The following DPP10 variants were observed in gnomAD, a reference collection of about 807,000 sequenced individuals.
The protein encoded by DPP10 is dipeptidyl peptidase like 10.
Under a neutral mutation model 120.9 loss-of-function variants are expected in DPP10, and 33 were observed. That is an observed-to-expected ratio of 0.27 (90% CI 0.21 to 0.37). The LOEUF is 0.37. Ranked by LOEUF, DPP10 falls within the 10% of genes least tolerant of loss-of-function variation. The pLI is 1.00. For synonymous variants in DPP10, 337 were observed against 326.1 expected (o/e 1.03, Z -0.36); for missense variants, 816 against 942.8 (o/e 0.87, Z 1.76).
At chr2:115,069,288 T>G (rs1340251315) in intron 1 of DPP10, among the ~76,000 whole-genome samples, 3 of 152,134 alleles carry the variant, frequency 2.0e-5, no homozygotes, top group Non-Finnish European at 4.4e-5. Context: ...AAATCTGTTT[T>G]AAATGATACT....
chr2:115,296,423 C>T (rs2060887439), intron 1 of DPP10, among the ~76,000 whole-genome samples: 1 of 152,032 alleles, frequency 6.6e-6, no homozygotes, highest in Non-Finnish European at 1.5e-5. Flanking sequence ...TACCTGACTC[C>T]TGGGCAATTA....
chr2:115,335,422 A>G (rs2063064786), intron 2 of DPP10, among the ~76,000 whole-genome samples: 1 of 152,044 alleles, frequency 6.6e-6, no homozygotes, highest in Admixed American at 6.6e-5. Flanking sequence ...ATAAGTTAGG[A>G]AACATTAAGA....
intron 2 of DPP10, among the ~76,000 whole-genome samples, chr2:115,321,060 G>A (rs940614736): frequency 1.3e-5 from 2 of 152,186 alleles, no homozygotes; most frequent in African/African-American, 4.8e-5. Context: ...AGCACTTTGG[G>A]AGGCTGAGGT....
chr2:115,024,155 A>T (rs574527456), intron 1 of DPP10, among the ~76,000 whole-genome samples: 2 of 152,064 alleles, frequency 1.3e-5, no homozygotes, highest in African/African-American at 4.8e-5. Context: ...AAAACCTATT[A>T]AAAAAATTTT....
chr2:115,389,278 A>AAC (rs3980953), intron 3 of DPP10, among the ~76,000 whole-genome samples: 79,243 of 149,562 alleles, frequency 0.53, 21,616 homozygotes, highest in Non-Finnish European at 0.62. Context: ...CACACACACA[A>AAC]ACACACACAC....
At chr2:114,467,064 G>A (rs973632619) in intron 1 of DPP10, among the ~76,000 whole-genome samples, 10 of 150,570 alleles carry the variant, frequency 6.6e-5, no homozygotes, top group Non-Finnish European at 1.2e-4. Context: ...GAAACCTTTA[G>A]TGACTAGTTT....
chr2:115,529,821 A>T (rs549569489), intron 5 of DPP10, among the ~76,000 whole-genome samples: 3 of 152,284 alleles, frequency 2.0e-5, no homozygotes, highest in South Asian at 4.1e-4. Flanking sequence ...GTTATGCCAG[A>T]TCATCCCTGA....
At chr2:115,497,003 A>T (rs1207973229) in intron 3 of DPP10, among the ~76,000 whole-genome samples, 1 of 152,036 alleles carries the variant, frequency 6.6e-6, no homozygotes, top group Non-Finnish European at 1.5e-5. Flanking sequence ...GGACTGGTTG[A>T]GTCATGAGTC....
intron 7 of DPP10, among the ~76,000 whole-genome samples, chr2:115,727,221 T>C (rs1321823837): frequency 1.3e-5 from 2 of 152,128 alleles, no homozygotes; most frequent in African/African-American, 4.8e-5. Flanking sequence ...AAGGTTATTA[T>C]TATTGCCGTA....
intron 1 of DPP10, among the ~76,000 whole-genome samples, chr2:115,112,895 T>G (rs528667275): frequency 6.6e-6 from 1 of 152,352 alleles, no homozygotes; most frequent in Non-Finnish European, 1.5e-5. Context: ...TTTCTACCTC[T>G]GCTTTAGTCA....
At chr2:115,187,904 A>T (rs1471827166) in intron 1 of DPP10, among the ~76,000 whole-genome samples, 1 of 152,170 alleles carries the variant, frequency 6.6e-6, no homozygotes, top group African/African-American at 2.4e-5. Context: ...CTGTAGTCCC[A>T]GCTACTTGGG....
chr2:114,789,795 CA>C (rs1683089405), intron 1 of DPP10, among the ~76,000 whole-genome samples: 1 of 152,200 alleles, frequency 6.6e-6, no homozygotes, highest in Non-Finnish European at 1.5e-5. Flanking sequence ...ATATACAACA[CA>C]TGAGTGTGCA....
chr2:115,299,181 A>G (rs2061016316), intron 1 of DPP10, among the ~76,000 whole-genome samples: 1 of 152,050 alleles, frequency 6.6e-6, no homozygotes, highest in Non-Finnish European at 1.5e-5. Context: ...TTGTCCGTGT[A>G]TTCTGTTCCT....
At chr2:115,738,404 C>G (rs563705545) in intron 8 of DPP10, among the ~76,000 whole-genome samples, 1 of 152,168 alleles carries the variant, frequency 6.6e-6, no homozygotes, top group Admixed American at 6.5e-5. Context: ...GTTTCCTAAT[C>G]TTTACATCAT....
intron 1 of DPP10, among the ~76,000 whole-genome samples, chr2:114,461,030 T>G (rs931625174): frequency 6.6e-5 from 10 of 152,220 alleles, no homozygotes; most frequent in African/African-American, 1.7e-4. Flanking sequence ...ATAGTACCAG[T>G]TAAGGCAAAA....
rs1199417577 is a variant in DPP10 at position 114,562,251 on chromosome 2, C to A, written c.60+119413C>A. ...ATTTTGAGAGAATAAACCTCTAAAT[C>A]TTTAGACTTTTATGAAGAACACTTA... On this transcript the variant is annotated intron_variant, in intron 1 of 25. Transcript: ENST00000410059. Among the ~76,000 whole-genome samples the A allele has an allele frequency of 2.0e-5, 3 of 152,208 alleles. No individual in the cohort carries two copies. The East Asian group carries it at 5.8e-4, about 29-fold the overall frequency.
intron 1 of DPP10, among the ~76,000 whole-genome samples, chr2:114,667,516 T>C (rs935841503): frequency 6.6e-6 from 1 of 152,216 alleles, no homozygotes; most frequent in African/African-American, 2.4e-5. Context: ...ATATTATTGC[T>C]TAGCTCTACA....
chr2:115,759,856 C>T (rs1225121209), intron 11 of DPP10, among the ~76,000 whole-genome samples: 1 of 151,832 alleles, frequency 6.6e-6, no homozygotes, highest in Admixed American at 6.6e-5. Context: ...ACTAAAAATA[C>T]AAAATTAACC....
At chr2:115,384,793 G>T (rs976153727) in intron 3 of DPP10, among the ~76,000 whole-genome samples, 10 of 152,296 alleles carry the variant, frequency 6.6e-5, no homozygotes, top group African/African-American at 2.4e-4. Flanking sequence ...AAAGCAAGTG[G>T]TGAAACATAG....
Sources: gnomAD v4.1 joint callset for allele counts (sites outside exome capture counted in the v4.1 genomes callset) on GRCh38, gnomAD v4.1.1 for gene constraint, MANE v1.5 for transcripts, NCBI Gene and HGNC (gene_info 2026-07-23, HGNC 2026-07-21) for gene names.